RTN1: variants seen among roughly 807,000 people sequenced by gnomAD.
RTN1 encodes reticulon-1.
A neutral mutation model predicts 65.5 loss-of-function variants in RTN1; 25 were observed. That is an observed-to-expected ratio of 0.38 (90% CI 0.28 to 0.53). The LOEUF (loss-of-function observed/expected upper bound fraction) is 0.53, where lower values mean the gene tolerates loss of function less well. RTN1 is among the 20% of genes least tolerant of loss of function. The pLI, the probability that RTN1 is intolerant of heterozygous loss-of-function variation, is 0.79. For missense variants in RTN1, 983 were observed against 1,025.4 expected, an observed-to-expected ratio of 0.96 and a Z score of 0.57; for synonymous variants, 471 against 447.6, an observed-to-expected ratio of 1.05 and a Z score of -0.66.
At position 59,803,732 on chromosome 14, in the gene RTN1, C is replaced by T. The variant is rs1248294247; in HGVS notation, c.242-57251G>A. Among the ~76,000 whole-genome samples, 1 of 152,206 alleles carries T rather than the reference C, an allele frequency of 6.6e-6. No individual in the cohort carries two copies. Among genetic ancestry groups the T allele is most frequent in the Non-Finnish European group, 1.5e-5 (1 of 68,040 alleles). ...ACTTTCCTTTCCTGAGCTGCGCTAC[C>T]TGTGACCTGAGGAAAAACAGCAGCA... On this transcript the variant is annotated intron_variant, in intron 1 of 8. Coordinates refer to ENST00000267484, the MANE Select transcript of RTN1 (RefSeq NM_021136.3). The surrounding 1 kb of genome is among the most constrained non-coding windows in gnomAD (Gnocchi z 5.6).
At chr14:59,767,354 T>C (rs568281098) in intron 1 of RTN1, among the ~76,000 whole-genome samples, 1 of 152,310 alleles carries the variant, frequency 6.6e-6, no homozygotes, top group South Asian at 2.1e-4. Flanking sequence ...GAACCAGCTC[T>C]AACAATGCAG....
chr14:59,859,425 T>C (rs760342406), intron 1 of RTN1, among the ~76,000 whole-genome samples: 3 of 152,262 alleles, frequency 2.0e-5, no homozygotes, highest in Non-Finnish European at 4.4e-5. Flanking sequence ...TCCAGCCATA[T>C]GGAACTGTAA....
intron 1 of RTN1, among the ~76,000 whole-genome samples, chr14:59,831,309 A>G (rs911719995): frequency 2.0e-5 from 3 of 152,228 alleles, no homozygotes; most frequent in African/African-American, 7.2e-5. Flanking sequence ...GGTGGGCCTC[A>G]TTCAATCAGT....
chr14:59,620,337 G>C (rs981249013), intron 3 of RTN1, among the ~76,000 whole-genome samples: 24 of 152,276 alleles, frequency 1.6e-4, no homozygotes, highest in African/African-American at 5.5e-4. Context: ...GGGGCTTGAA[G>C]AGGGTAGGAA....
chr14:59,696,767 G>T (rs1201086252), intron 3 of RTN1, among the ~76,000 whole-genome samples: 2 of 152,124 alleles, frequency 1.3e-5, no homozygotes, highest in Non-Finnish European at 2.9e-5. Flanking sequence ...AGATAGAGGA[G>T]TCTCTTACAA....
chr14:59,867,006 G>A (rs1347152961), intron 1 of RTN1, among the ~76,000 whole-genome samples: 1 of 152,130 alleles, frequency 6.6e-6, no homozygotes, highest in East Asian at 1.9e-4. Flanking sequence ...TGAAATTTAA[G>A]TCAAATTATT....
At chr14:59,703,501 C>A (rs1884224336) in intron 3 of RTN1, among the ~76,000 whole-genome samples, 1 of 152,172 alleles carries the variant, frequency 6.6e-6, no homozygotes, top group Non-Finnish European at 1.5e-5. Flanking sequence ...TGAGGCCTCA[C>A]CAGAATGACA....
chr14:59,870,264 C>CG lies in RTN1; in HGVS notation c.241+125dup, dbSNP rs981725761. The stretch of plus-strand genomic sequence containing the variant: ...ATATTCCCAGTCGCCCGTGGCGACG[C>CG]GGGGGTGGGGTCGGCGCTCAAGGCA... On this transcript the variant is annotated intron_variant, in intron 1 of 8. Coordinates refer to ENST00000267484, the MANE Select transcript of RTN1 (RefSeq NM_021136.3). This position sits in a 1 kb window ranked among gnomAD's most constrained non-coding sequence, Gnocchi z 5.1. The CG allele has an allele frequency of 3.1e-5, 29 of 945,984 alleles. No homozygotes were observed. Among genetic ancestry groups the CG allele is most frequent in the Non-Finnish European group, 3.9e-5 (28 of 712,780 alleles). 58.6% of individuals were successfully genotyped at this position (945,984 alleles called of 1,614,324 possible). A position where few individuals can be genotyped will look rare whatever the true frequency, so the allele number is the denominator to read the frequency against.
chr14:59,728,186 G>A (rs539516454), intron 2 of RTN1, among the ~76,000 whole-genome samples: 5 of 150,988 alleles, frequency 3.3e-5, no homozygotes, highest in African/African-American at 1.2e-4. Flanking sequence ...GACAAAGCAG[G>A]TAGTTTTGAG....
At chr14:59,657,189 A>G (rs968147452) in intron 3 of RTN1, among the ~76,000 whole-genome samples, 1 of 152,146 alleles carries the variant, frequency 6.6e-6, no homozygotes, top group Non-Finnish European at 1.5e-5. Flanking sequence ...CAGGTGAATC[A>G]CCTGAGGTCA....
chr14:59,833,760 G>GCT (rs1887167280), intron 1 of RTN1, among the ~76,000 whole-genome samples: 1 of 152,012 alleles, frequency 6.6e-6, no homozygotes, highest in African/African-American at 2.4e-5. Context: ...GAATATGCAG[G>GCT]CTCTAGTAAA....
In RTN1 at chr14:59,803,106, GTCTA is replaced by G. The variant is rs1036995272; in HGVS notation, c.242-56629_242-56626del. Among the ~76,000 whole-genome samples, 3 of 152,098 alleles carry G rather than the reference GTCTA, an allele frequency of 2.0e-5. No homozygotes were observed. Among genetic ancestry groups the G allele is most frequent in the Non-Finnish European group, 2.9e-5 (2 of 68,008 alleles). ...CACACAGGCCATGCAGAAAACCGCT[GTCTA>G]TCTAAATGAAATCAAAAGGACAGGA... On this transcript the variant is annotated intron_variant, in intron 1 of 8. Transcript: ENST00000267484. This position sits in a 1 kb window ranked among gnomAD's most constrained non-coding sequence, Gnocchi z 5.6.
Position 59,695,381 on chromosome 14 carries a change from G to C in RTN1, c.1765+31538C>G, listed in dbSNP as rs530793181. 1.3e-3 allele frequency among the ~76,000 whole-genome samples: 192 copies of C among 152,316 alleles called. 1 individual carries two copies. The highest frequency in any genetic ancestry group is 1.9e-3 in the Non-Finnish European group (130 of 68,016). On this transcript the variant is annotated intron_variant, in intron 3 of 8. Transcript: ENST00000267484. The stretch of plus-strand genomic sequence containing the variant: ...GCACAGGCTTTGGCTAATGGGATGT[G>C]AGGGAACACGATGTTCACTTACCAC...
chr14:59,789,574 A>G (rs2139586139), intron 1 of RTN1, among the ~76,000 whole-genome samples: 1 of 152,284 alleles, frequency 6.6e-6, no homozygotes, highest in East Asian at 1.9e-4. Context: ...TAGGAACTAT[A>G]TGCTTCAAAA....
At chr14:59,717,645 G>A (rs915373950) in intron 3 of RTN1, among the ~76,000 whole-genome samples, 10 of 152,212 alleles carry the variant, frequency 6.6e-5, no homozygotes, top group African/African-American at 2.4e-4. Context: ...TCCCCTGGAT[G>A]AGCTGGCAAG....
Position 59,749,454 on chromosome 14 carries a change from C to CTA in RTN1, c.242-2975_242-2974dup, listed in dbSNP as rs1305717472. On this transcript the variant is annotated intron_variant, in intron 1 of 8. Coordinates refer to ENST00000267484, the MANE Select transcript of RTN1 (RefSeq NM_021136.3). ...TATATATATCTATATCTATATATAT[C>CTA]TATATATATCTAATCTATCTATATA... 1.5e-4 allele frequency among the ~76,000 whole-genome samples: 15 copies of CTA among 97,920 alleles called. 2 individuals carry two copies. The South Asian group carries it at 4.0e-3, about 26-fold the overall frequency. 64.2% of individuals were successfully genotyped at this position (97,920 alleles called of 152,430 possible).
chr14:59,663,457 G>T (rs1883295356), intron 3 of RTN1, among the ~76,000 whole-genome samples: 2 of 152,062 alleles, frequency 1.3e-5, no homozygotes, highest in Non-Finnish European at 2.9e-5. Flanking sequence ...AAAAGCAATG[G>T]CAACAAAAGC....
chr14:59,704,143 T>G (rs1298819442), intron 3 of RTN1, among the ~76,000 whole-genome samples: 1 of 152,136 alleles, frequency 6.6e-6, no homozygotes, highest in South Asian at 2.1e-4. Context: ...GAGAGTCTGA[T>G]GAAAGTTACG....
intron 3 of RTN1, among the ~76,000 whole-genome samples, chr14:59,666,107 G>C (rs1430203889): frequency 6.6e-6 from 1 of 152,188 alleles, no homozygotes; most frequent in African/African-American, 2.4e-5. Flanking sequence ...GACATCTACG[G>C]AAAGCTCCAC....
Sources: allele counts gnomAD v4.1 joint callset (sites outside exome capture counted in the v4.1 genomes callset), GRCh38; gene constraint gnomAD v4.1.1; non-coding constraint Gnocchi (gnomAD v3.1); transcripts MANE v1.5; gene names NCBI Gene and HGNC (gene_info 2026-07-23, HGNC 2026-07-21).